Variants in ASTL observed in about 807,000 individuals in gnomAD.
ASTL encodes astacin-like metalloendopeptidase.
In ASTL, 27 loss-of-function variants were observed where a neutral mutation model predicts 36.7. That is an observed-to-expected ratio of 0.73 (90% confidence interval 0.54 to 1.01). The LOEUF is 1.01. ASTL is among the 50% of genes least tolerant of loss of function. ASTL has a pLI of 0.00. For missense variants in ASTL, 524 were observed against 572.8 expected (o/e 0.91, Z 0.87); for synonymous variants, 222 against 228.1 (o/e 0.97, Z 0.24).
At chr2:96,137,993 G>C (rs1682340685) in intron 1 of ASTL, among the ~76,000 whole-genome samples, 1 of 152,172 alleles carries the variant, frequency 6.6e-6, no homozygotes, top group South Asian at 2.1e-4. Flanking sequence ...CAGACCTCGG[G>C]TTCTGACGCC....
In ASTL at chr2:96,133,488, G is replaced by A. The variant is rs777987842; in HGVS notation, c.392C>T (p.Thr131Met). The A allele has an allele frequency of 4.3e-6, 7 of 1,614,070 alleles. No homozygotes were observed. Among genetic ancestry groups the A allele is most frequent in the Middle Eastern group, 1.6e-4 (1 of 6,084 alleles). ...LEALAEFERS[T>M]CIRFVTYQDQ... ...CTGATAGGTGACAAACCTGATGCACGTGGAACGTTCAAACTCCGCAAGAGC... is the reference window on the plus strand; with the variant it reads ...CTGATAGGTGACAAACCTGATGCACATGGAACGTTCAAACTCCGCAAGAGC... Residue 131 changes from threonine (T) to methionine (M), a missense_variant, in exon 5 of 9, where the codon ACG becomes ATG. Thr to Met is a moderately conservative substitution (Grantham distance 81). Transcript: ENST00000342380.
At chr2:96,129,632 T>C (rs1419698512) in intron 8 of ASTL, among the ~76,000 whole-genome samples, 192 bp downstream of exon 8, 1 of 152,234 alleles carries the variant, frequency 6.6e-6, no homozygotes, top group African/African-American at 2.4e-5. Flanking sequence ...GCCCTATTCC[T>C]CTTTGGTTAC....
rs567293625 is a variant in ASTL, at chr2:96,125,727, G to T, written c.875-1456C>A. ...GGAGGCTGAGGCAGGCAGATCACTA[G>T]AGTTTGGGAGTTCAAGACCAGCCTG... On this transcript the variant is annotated intron_variant, in intron 8 of 8. Transcript: ENST00000342380. 7.2e-5 allele frequency among the ~76,000 whole-genome samples: 11 copies of T among 152,266 alleles called. No homozygotes were observed. In the East Asian group the frequency reaches 1.9e-3, roughly 27 times the overall value.
In ASTL at chr2:96,133,960, C is replaced by T. The variant is rs772677204; in HGVS notation, c.337+5G>A. 7 of 1,604,126 alleles carry T rather than the reference C, an allele frequency of 4.4e-6. No homozygotes were observed. The Admixed American group carries it at 1.2e-4, about 27-fold the overall frequency. On this transcript the variant is annotated splice_donor_5th_base_variant and intron_variant, in intron 4 of 8. Coordinates refer to ENST00000342380, the MANE Select transcript of ASTL (RefSeq NM_001002036.4). Reference sequence around the variant, plus strand: ...GCAGGGAGGGAGCGCGCCATGCTCACTCACCGTACTTGCTGGAGAGCAGGA... The same window carrying T: ...GCAGGGAGGGAGCGCGCCATGCTCATTCACCGTACTTGCTGGAGAGCAGGA...
At chr2:96,128,262 T>C (rs1311912180) in intron 8 of ASTL, among the ~76,000 whole-genome samples, 1 of 151,552 alleles carries the variant, frequency 6.6e-6, no homozygotes, top group African/African-American at 2.4e-5. Context: ...ATTTGTAACC[T>C]GTATTTTCAC....
At position 96,138,429 on chromosome 2, in the gene ASTL, C is replaced by A. The variant is rs777889105; in HGVS notation, c.8G>T (p.Gly3Val). ME[G>V]VGGLWPWVLG... ...CACCCAAGGCCAGAGACCCCCTACACCCTCCATGGTAGAGCCCTGCTGCCC... is the reference window on the plus strand; with the variant it reads ...CACCCAAGGCCAGAGACCCCCTACAACCTCCATGGTAGAGCCCTGCTGCCC... Residue 3 changes from glycine to valine, a missense_variant, in exon 1 of 9, where the codon GGT (glycine) becomes GTT (valine). Gly to Val is a moderately radical substitution (Grantham distance 109). Transcript: ENST00000342380. The A allele has an allele frequency of 6.2e-7, 1 of 1,610,232 alleles. No homozygotes were observed. Among genetic ancestry groups the A allele is most frequent in the Admixed American group, 1.7e-5 (1 of 59,526 alleles).
chr2:96,128,230 CAAAAAAA>C (rs541968437), intron 8 of ASTL, among the ~76,000 whole-genome samples: 2 of 114,824 alleles, frequency 1.7e-5, no homozygotes, highest in South Asian at 5.7e-4. Flanking sequence ...GAAACTGTCT[CAAAAAAA>C]AAAAAAAAAA....
chr2:96,133,385 A>G, intron 5 of ASTL, 40 bp downstream of exon 5: 3 of 1,338,710 alleles, frequency 2.2e-6, no homozygotes, highest in Non-Finnish European at 3.2e-6. Context: ...GGCTGAACGC[A>G]GAAGCGAGCT....
rs762146003 is a variant in ASTL, at chr2:96,124,169, C to G, written c.977G>C (p.Ser326Thr). The change falls in exon 9 of 9, where the codon AGT (serine) becomes ACT (threonine). Residue 326 changes from serine (S) to threonine (T), a missense_variant. Transcript: ENST00000342380. The surrounding 1 kb of genome is among the most constrained non-coding windows in gnomAD (Gnocchi z 4.1). ...LSAESRSPDP[S>T]GSSAGGQPVP... ...GGGCTGGCCTCCCGCACTGGAACCA[C>G]TGGGGTCGGGGCTCCTGGATTCCGC... 5.8e-6 allele frequency: 9 copies of G among 1,548,680 alleles called. No individual in the cohort carries two copies. Among genetic ancestry groups the G allele is most frequent in the Non-Finnish European group, 7.8e-6 (9 of 1,148,640 alleles).
chr2:96,129,603 A>G (rs577136625), intron 8 of ASTL, among the ~76,000 whole-genome samples: 3 of 152,332 alleles, frequency 2.0e-5, no homozygotes, highest in South Asian at 4.1e-4. Context: ...GATGTTTATT[A>G]TCTAGGCTAA....
rs200364492 is a variant in ASTL at position 96,123,843 on chromosome 2, C to G, written c.*7G>C. 1.1e-4 allele frequency: 184 copies of G among 1,609,850 alleles called. No individual in the cohort carries two copies. The highest frequency in any genetic ancestry group is 1.5e-4 in the Non-Finnish European group (177 of 1,177,636). On this transcript the variant is annotated 3_prime_UTR_variant, in exon 9 of 9. Coordinates refer to ENST00000342380, the MANE Select transcript of ASTL (RefSeq NM_001002036.4). ...GCCCTCCCTACTTGGGGACAGAAGC[C>G]ACAGGCTTAATCTTCGGACATCCCC...
chr2:96,134,607 G>A (rs191540631), intron 3 of ASTL, among the ~76,000 whole-genome samples: 63 of 152,226 alleles, frequency 4.1e-4, no homozygotes, highest in African/African-American at 1.3e-3. Flanking sequence ...ATTCTGCTCC[G>A]GGTGGTCGCA....
chr2:96,129,687 G>A, intron 8 of ASTL, 137 bp downstream of exon 8: 1 of 715,888 alleles, frequency 1.4e-6, no homozygotes, highest in Non-Finnish European at 2.2e-6. Context: ...TGCTTGTTCT[G>A]CGTCGTTGTG....
intron 8 of ASTL, among the ~76,000 whole-genome samples, chr2:96,128,825 C>T (rs947320790): frequency 6.6e-5 from 10 of 152,216 alleles, no homozygotes; most frequent in African/African-American, 1.9e-4. Context: ...GCATCACTTG[C>T]GGTCAGGAGT....
chr2:96,131,938 C>A (rs1682188272), intron 6 of ASTL, among the ~76,000 whole-genome samples: 1 of 152,192 alleles, frequency 6.6e-6, no homozygotes. Context: ...GATCTGATCC[C>A]CGGCGCCACA....
chr2:96,130,069 A>G lies in ASTL; in HGVS notation c.714T>C (p.Tyr238=), dbSNP rs1471319325. ...TPYDYSSVMH[Y]GRLAFSRRGL... ...GAAGAAGGCAGGGTCCTCACCTCCC[A>G]TAGTGCATCACAGAGGAGTAGTCAT... The change falls in exon 7 of 9, where the codon TAT becomes TAC. Residue 238 remains tyrosine, a synonymous_variant. Transcript: ENST00000342380. 2 of 1,613,906 alleles carry G rather than the reference A, an allele frequency of 1.2e-6. No homozygotes were observed. Among genetic ancestry groups the G allele is most frequent in the Admixed American group, 3.3e-5 (2 of 60,034 alleles).
chr2:96,136,993 C>T (rs555462010), intron 2 of ASTL, among the ~76,000 whole-genome samples: 6 of 152,202 alleles, frequency 3.9e-5, no homozygotes, highest in African/African-American at 2.4e-5. Context: ...TACAGGCGCC[C>T]GCCACCACGC....
In ASTL at chr2:96,124,461, T is replaced by C. The variant is rs1558712879; in HGVS notation, c.875-190A>G. Among the ~76,000 whole-genome samples, 1 of 152,096 alleles carries C rather than the reference T, an allele frequency of 6.6e-6. No individual in the cohort carries two copies. Among genetic ancestry groups the C allele is most frequent in the Non-Finnish European group, 1.5e-5 (1 of 68,014 alleles). ...GAAGCCATCCCATCTCTTCCCTGCC[T>C]GGCCCCTGAAGTCACCATCAGAATG... On this transcript the variant is annotated intron_variant, in intron 8 of 8. Transcript: ENST00000342380. This position sits in a 1 kb window ranked among gnomAD's most constrained non-coding sequence, Gnocchi z 4.1.
chr2:96,135,342 T>C lies in ASTL; in HGVS notation c.243+9A>G. The C allele has an allele frequency of 6.2e-7, 1 of 1,613,626 alleles. No homozygotes were observed. Among genetic ancestry groups the C allele is most frequent in the South Asian group, 1.1e-5 (1 of 91,050 alleles). On this transcript the variant is annotated intron_variant, in intron 3 of 8. Coordinates refer to ENST00000342380, the MANE Select transcript of ASTL (RefSeq NM_001002036.4). ...ATCCGCACCCACACACGTCAGTGTGTGCACTCACCGGCCGGATGATGTCCC... is the reference window on the plus strand; with the variant it reads ...ATCCGCACCCACACACGTCAGTGTGCGCACTCACCGGCCGGATGATGTCCC...
Sources: gnomAD v4.1 joint callset for allele counts (sites outside exome capture counted in the v4.1 genomes callset) on GRCh38, gnomAD v4.1.1 for gene constraint, Gnocchi (gnomAD v3.1) non-coding constraint, MANE v1.5 for transcripts, NCBI Gene and HGNC (gene_info 2026-07-23, HGNC 2026-07-21) for gene names.